KCNMA1: variants seen among roughly 807,000 people sequenced by gnomAD.
KCNMA1 encodes Calcium-activated potassium channel subunit alpha-1.
Under a neutral mutation model 140.0 loss-of-function variants are expected in KCNMA1, and 29 were observed. The observed-to-expected ratio is 0.21, with a 90% CI of 0.15 to 0.28. KCNMA1 has a LOEUF of 0.28. KCNMA1 is among the 10% of genes least tolerant of loss of function. KCNMA1 has a pLI of 1.00. For synonymous variants in KCNMA1, 612 were observed against 611.9 expected (o/e 1.00, Z 0.00); for missense variants, 880 against 1,602.2 (o/e 0.55, Z 7.70).
intron 1 of KCNMA1, among the ~76,000 whole-genome samples, chr10:77,563,237 G>A (rs942627994): frequency 1.3e-5 from 2 of 152,216 alleles, no homozygotes; most frequent in Non-Finnish European, 2.9e-5. Flanking sequence ...GTAATTGCAA[G>A]GCCAAAAATC....
At chr10:77,327,517 C>A (rs1028617067) in intron 2 of KCNMA1, among the ~76,000 whole-genome samples, 20 of 152,010 alleles carry the variant, frequency 1.3e-4, no homozygotes, top group African/African-American at 4.8e-4. Flanking sequence ...TCACATCCTG[C>A]TAATGTTTTA....
intron 1 of KCNMA1, among the ~76,000 whole-genome samples, chr10:77,458,402 C>A (rs1566957962): frequency 6.6e-6 from 1 of 152,244 alleles, no homozygotes; most frequent in Non-Finnish European, 1.5e-5. Context: ...CAAGGCCACA[C>A]AGCCACTTGG....
intron 18 of KCNMA1, among the ~76,000 whole-genome samples, chr10:77,004,444 A>T (rs912315899): frequency 1.3e-5 from 2 of 152,088 alleles, no homozygotes; most frequent in Non-Finnish European, 2.9e-5. Flanking sequence ...AGGTATCTTC[A>T]CCTAGAGACT....
intron 5 of KCNMA1, among the ~76,000 whole-genome samples, chr10:77,170,768 C>T (rs758449282): frequency 6.6e-6 from 1 of 152,132 alleles, no homozygotes; most frequent in Non-Finnish European, 1.5e-5. Context: ...ATACTAGTGA[C>T]TAATAAAGTC....
intron 1 of KCNMA1, among the ~76,000 whole-genome samples, chr10:77,435,846 G>A (rs1435021740): frequency 6.6e-6 from 1 of 152,216 alleles, no homozygotes; most frequent in Non-Finnish European, 1.5e-5. Flanking sequence ...AGCAGAGAGA[G>A]AGGAGGGAAT....
chr10:76,879,492 G>C (rs1051411447), intron 29 of KCNMA1, among the ~76,000 whole-genome samples: 1 of 151,980 alleles, frequency 6.6e-6, no homozygotes, highest in African/African-American at 2.4e-5. Flanking sequence ...GAATGATAAA[G>C]TTACAATCTG....
intron 2 of KCNMA1, among the ~76,000 whole-genome samples, chr10:77,325,728 C>T (rs2083916967): frequency 6.6e-6 from 1 of 152,166 alleles, no homozygotes; most frequent in Non-Finnish European, 1.5e-5. Flanking sequence ...TGCTGGGGGG[C>T]TTTGCTGTGC....
At chr10:77,065,337 A>G (rs537789655) in intron 14 of KCNMA1, among the ~76,000 whole-genome samples, 1 of 152,272 alleles carries the variant, frequency 6.6e-6, no homozygotes, top group African/African-American at 2.4e-5. Context: ...CCTAAAATGC[A>G]ATTCTGTTTT....
Position 76,887,047 on chromosome 10 carries a change from T to C in KCNMA1, c.*219A>G. ...GTTATTTTTCCCCCAGAATCATAAATAACTTTTGGTCCGTCTGCTTATTTG... is the reference window on the plus strand; with the variant it reads ...GTTATTTTTCCCCCAGAATCATAAACAACTTTTGGTCCGTCTGCTTATTTG... On this transcript the variant is annotated 3_prime_UTR_variant, in exon 28 of 28. Transcript: ENST00000286628. 6.9e-7 allele frequency: 1 copy of C among 1,446,268 alleles called. No individual in the cohort carries two copies. The highest frequency in any genetic ancestry group is 9.1e-7 in the Non-Finnish European group (1 of 1,098,718). 89.6% of individuals were successfully genotyped at this position (1,446,268 alleles called of 1,614,324 possible). A position where few individuals can be genotyped will look rare whatever the true frequency, so the allele number is the denominator to read the frequency against.
intron 13 of KCNMA1, among the ~76,000 whole-genome samples, chr10:77,073,785 A>T (rs761807013): frequency 5.9e-5 from 9 of 152,224 alleles, no homozygotes; most frequent in Admixed American, 3.9e-4. Context: ...AGAATTTGGC[A>T]TTTCTCACAA....
chr10:76,899,072 G>C (rs927204296), intron 25 of KCNMA1, among the ~76,000 whole-genome samples: 20 of 151,972 alleles, frequency 1.3e-4, no homozygotes, highest in Non-Finnish European at 2.9e-5. Flanking sequence ...CCAATCACTG[G>C]ACGTGAATAA....
chr10:77,022,323 A>G (rs1186314437), intron 16 of KCNMA1, among the ~76,000 whole-genome samples: 1 of 152,234 alleles, frequency 6.6e-6, no homozygotes, highest in East Asian at 1.9e-4. Context: ...GAAAAAGCCC[A>G]TATATCCATT....
chr10:76,977,098 A>G lies in KCNMA1; in HGVS notation c.2267-7031T>C, dbSNP rs78254629. Among the ~76,000 whole-genome samples, 482 of 152,244 alleles carry G rather than the reference A, an allele frequency of 3.2e-3. 24 individuals carry two copies. In the East Asian group the frequency reaches 0.083, roughly 26 times the overall value. ...TCCCTACTCCCTACTCCTGACACCA[A>G]AAGCCAACTTTCGGCTTTGTGGCAA... On this transcript the variant is annotated intron_variant, in intron 19 of 27. Coordinates refer to ENST00000286628, the MANE Select transcript of KCNMA1 (RefSeq NM_001161352.2).
At chr10:77,411,833 G>A (rs117553862) in intron 1 of KCNMA1, among the ~76,000 whole-genome samples, 513 of 152,324 alleles carry the variant, frequency 3.4e-3, no homozygotes, top group Admixed American at 9.1e-3. Context: ...TCGTGGAGCA[G>A]AGTATCACAT....
intron 15 of KCNMA1, among the ~76,000 whole-genome samples, chr10:77,030,065 A>C (rs1400407362): frequency 6.6e-6 from 1 of 152,228 alleles, no homozygotes; most frequent in Non-Finnish European, 1.5e-5. Flanking sequence ...CCAGGGAGTG[A>C]AACCAATTGC....
intron 1 of KCNMA1, among the ~76,000 whole-genome samples, chr10:77,595,343 TC>T (rs2080538962): frequency 1.7e-5 from 1 of 58,760 alleles, no homozygotes; most frequent in Admixed American, 2.4e-4. Flanking sequence ...CAAGACTCTG[TC>T]TCAAAAAAAA....
chr10:77,547,426 T>C (rs556203518), intron 1 of KCNMA1, among the ~76,000 whole-genome samples: 2 of 152,288 alleles, frequency 1.3e-5, no homozygotes, highest in African/African-American at 4.8e-5. Flanking sequence ...TCGCCTTTCA[T>C]TTTTCTTGGC....
rs571177936 is a variant in KCNMA1 at position 77,513,246 on chromosome 10, C to T, written c.379-109223G>A. Among the ~76,000 whole-genome samples, 5 of 151,994 alleles carry T rather than the reference C, an allele frequency of 3.3e-5. No individual in the cohort carries two copies. In the South Asian group the frequency reaches 6.3e-4, roughly 19 times the overall value. The stretch of plus-strand genomic sequence containing the variant: ...GCCTTTGCACTAGCTGGTGCTACTA[C>T]GTGGAACGCTCTTCCCCCAAATTTC... On this transcript the variant is annotated intron_variant, in intron 1 of 27. Coordinates refer to ENST00000286628, the MANE Select transcript of KCNMA1 (RefSeq NM_001161352.2).
chr10:77,437,822 C>T (rs779421268), intron 1 of KCNMA1, among the ~76,000 whole-genome samples: 2 of 152,140 alleles, frequency 1.3e-5, no homozygotes, highest in African/African-American at 2.4e-5. Flanking sequence ...CTGGCTGACT[C>T]GGGTCGTCTT....
Sources: allele counts gnomAD v4.1 joint callset (sites outside exome capture counted in the v4.1 genomes callset), GRCh38; gene constraint gnomAD v4.1.1; transcripts MANE v1.5; gene names NCBI Gene and HGNC (gene_info 2026-07-23, HGNC 2026-07-21).